Variants in TMTC2 observed in about 807,000 individuals in gnomAD.
TMTC2 encodes the protein protein O-mannosyl-transferase TMTC2.
In TMTC2, 43 loss-of-function variants were observed where a neutral mutation model predicts 82.4. That is an observed-to-expected ratio of 0.52 (90% CI 0.41 to 0.67). TMTC2 has a LOEUF of 0.67. Among genes scored for constraint, TMTC2 ranks in the 30% least tolerant of loss-of-function variants. The pLI is 0.00. For synonymous variants in TMTC2, 408 were observed against 381.9 expected, an observed-to-expected ratio of 1.07 and a Z score of -0.80; for missense variants, 919 against 1,012.4, an observed-to-expected ratio of 0.91 and a Z score of 1.25.
At chr12:82,997,157 C>CCTCTCT (rs750382234) in intron 8 of TMTC2, among the ~76,000 whole-genome samples, 7,515 of 41,252 alleles carry the variant, frequency 0.18, 574 homozygotes, top group African/African-American at 0.21. Flanking sequence ...TTGATACTTC[C>CCTCTCT]CTCTCTCTCT....
chr12:82,938,144 C>G (rs1285903152), intron 4 of TMTC2, among the ~76,000 whole-genome samples: 1 of 151,732 alleles, frequency 6.6e-6, no homozygotes, highest in African/African-American at 2.4e-5. Flanking sequence ...GAACTCCTGA[C>G]CTGAGGTGAT....
At chr12:82,789,579 G>A (rs905002611) in intron 1 of TMTC2, among the ~76,000 whole-genome samples, 6 of 152,086 alleles carry the variant, frequency 3.9e-5, no homozygotes, top group Admixed American at 6.5e-5. Context: ...GACTAAGCCA[G>A]GCTCTCTACT....
intron 2 of TMTC2, among the ~76,000 whole-genome samples, chr12:82,879,933 G>C (rs1565790603): frequency 6.6e-6 from 1 of 152,106 alleles, no homozygotes; most frequent in African/African-American, 2.4e-5. Context: ...CTGGATGCCG[G>C]GACTTCATCT....
chr12:82,995,827 C>T (rs983517147), intron 8 of TMTC2, among the ~76,000 whole-genome samples: 1 of 152,184 alleles, frequency 6.6e-6, no homozygotes, highest in African/African-American at 2.4e-5. Context: ...GGGTCTTGCT[C>T]TGTCACCGGA....
intron 1 of TMTC2, among the ~76,000 whole-genome samples, chr12:82,758,362 C>T (rs1365308614): frequency 3.3e-5 from 5 of 152,078 alleles, no homozygotes; most frequent in Non-Finnish European, 2.9e-5. Context: ...TAGTATGTAG[C>T]TCTGTTTTAT....
intron 8 of TMTC2, among the ~76,000 whole-genome samples, chr12:83,010,014 C>G (rs897958656): frequency 6.6e-6 from 1 of 152,116 alleles, no homozygotes; most frequent in Non-Finnish European, 1.5e-5. Flanking sequence ...TGGGGAGCAG[C>G]TGTAAATACG....
intron 1 of TMTC2, among the ~76,000 whole-genome samples, chr12:82,766,853 C>T (rs985189691): frequency 2.0e-5 from 3 of 152,096 alleles, no homozygotes; most frequent in African/African-American, 4.8e-5. Flanking sequence ...GACTATAGTG[C>T]GGTGGCATGA....
intron 8 of TMTC2, among the ~76,000 whole-genome samples, chr12:83,009,497 CT>C (rs1351391265): frequency 6.6e-6 from 1 of 152,176 alleles, no homozygotes; most frequent in Non-Finnish European, 1.5e-5. Flanking sequence ...TCTCCTTTCT[CT>C]CCACATTGTA....
At chr12:82,969,077 A>G (rs1878342086) in intron 7 of TMTC2, among the ~76,000 whole-genome samples, 1 of 152,176 alleles carries the variant, frequency 6.6e-6, no homozygotes, top group Non-Finnish European at 1.5e-5. Context: ...TAAATACCCC[A>G]AGTGTTGGCT....
At chr12:83,033,487 T>G (rs1881524966) in intron 9 of TMTC2, among the ~76,000 whole-genome samples, 1 of 152,164 alleles carries the variant, frequency 6.6e-6, no homozygotes, top group South Asian at 2.1e-4. Context: ...GCACGGCGGC[T>G]CACGCCTGCA....
At chr12:83,108,454 C>G (rs977613893) in intron 11 of TMTC2, among the ~76,000 whole-genome samples, 1 of 151,886 alleles carries the variant, frequency 6.6e-6, no homozygotes, top group Non-Finnish European at 1.5e-5. Flanking sequence ...ACATGTCAAA[C>G]CCCCGTCTCT....
At chr12:83,043,118 A>C (rs375652) in intron 9 of TMTC2, among the ~76,000 whole-genome samples, 1 of 152,238 alleles carries the variant, frequency 6.6e-6, no homozygotes, top group Non-Finnish European at 1.5e-5. Context: ...GAAAGAGCGA[A>C]AGCATATTTG....
intron 1 of TMTC2, among the ~76,000 whole-genome samples, chr12:82,714,982 T>A (rs1873823005): frequency 6.6e-6 from 1 of 151,966 alleles, no homozygotes; most frequent in Non-Finnish European, 1.5e-5. Context: ...AGAAAAGGCA[T>A]ACAAATCTGC....
chr12:83,121,777 G>A (rs893229075), intron 11 of TMTC2, among the ~76,000 whole-genome samples: 2 of 152,094 alleles, frequency 1.3e-5, no homozygotes, highest in African/African-American at 4.8e-5. Context: ...CATTGGTTGG[G>A]GGCAGGGCTA....
chr12:83,017,399 TAGA>T (rs1246137795), intron 8 of TMTC2, among the ~76,000 whole-genome samples: 1 of 152,232 alleles, frequency 6.6e-6, no homozygotes, highest in East Asian at 1.9e-4. Flanking sequence ...CAGAATTACT[TAGA>T]AGAACAATTT....
intron 9 of TMTC2, among the ~76,000 whole-genome samples, chr12:83,045,570 G>A (rs77502353): frequency 1.4e-3 from 210 of 152,134 alleles, no homozygotes; most frequent in Middle Eastern, 6.8e-3. Flanking sequence ...AAAGTAAACT[G>A]ATATTCAATG....
chr12:83,045,645 T>A (rs1191189675), intron 9 of TMTC2, among the ~76,000 whole-genome samples: 1 of 148,766 alleles, frequency 6.7e-6, no homozygotes, highest in Non-Finnish European at 1.5e-5. Context: ...TTATGCCCCA[T>A]AATTAGGGAA....
chr12:83,077,157 T>C (rs1052248605), intron 11 of TMTC2, among the ~76,000 whole-genome samples: 1 of 152,182 alleles, frequency 6.6e-6, no homozygotes, highest in African/African-American at 2.4e-5. Flanking sequence ...AAATATGGTA[T>C]CTTGGCATAT....
chr12:83,035,324 T>A (rs1424544152), intron 9 of TMTC2, among the ~76,000 whole-genome samples: 1 of 152,216 alleles, frequency 6.6e-6, no homozygotes, highest in Non-Finnish European at 1.5e-5. Context: ...TTTTTTCAGA[T>A]TGGCTTGCAA....
Sources: allele counts gnomAD v4.1 joint callset (sites outside exome capture counted in the v4.1 genomes callset), GRCh38; gene constraint gnomAD v4.1.1; transcripts MANE v1.5; gene names NCBI Gene and HGNC (gene_info 2026-07-23, HGNC 2026-07-21).